Variants in CADM2 observed in about 807,000 individuals in gnomAD.
CADM2 encodes cell adhesion molecule 2.
CADM2 carries 12 observed loss-of-function variants against 49.8 expected under a neutral mutation model. The ratio of observed to expected loss-of-function variants is 0.24; its 90% CI spans 0.15 to 0.39. CADM2 has a LOEUF of 0.39. CADM2 is among the 10% of genes least tolerant of loss of function. The pLI is 1.00. For synonymous variants in CADM2, 214 were observed against 175.4 expected (o/e 1.22, Z -1.74); for missense variants, 378 against 492.3 (o/e 0.77, Z 2.20).
intron 1 of CADM2, among the ~76,000 whole-genome samples, chr3:85,045,338 CAG>C (rs1339978050): frequency 6.6e-6 from 1 of 152,072 alleles, no homozygotes; most frequent in Non-Finnish European, 1.5e-5. Context: ...CAGTAGAAAA[CAG>C]AGTGTTCTAA....
chr3:85,858,642 T>G (rs2075402919), intron 3 of CADM2, among the ~76,000 whole-genome samples: 1 of 152,246 alleles, frequency 6.6e-6, no homozygotes, highest in Non-Finnish European at 1.5e-5. Context: ...AAACTACTCC[T>G]CTATTACCTG....
chr3:85,942,191 G>GACAGC lies in CADM2; in HGVS notation c.791+6335_791+6339dup, dbSNP rs570567240. On this transcript the variant is annotated intron_variant, in intron 7 of 9. Coordinates refer to ENST00000383699, the MANE Select transcript of CADM2 (RefSeq NM_001167675.2). Reference sequence around the variant, plus strand: ...TTGAAGAGTTCTAAAAAATTGCTAGGACAGCCCATATTTCAATCAAATAGT... The same window carrying GACAGC: ...TTGAAGAGTTCTAAAAAATTGCTAGGACAGCACAGCCCATATTTCAATCAAATAGT... 2.2e-3 allele frequency among the ~76,000 whole-genome samples: 337 copies of GACAGC among 151,848 alleles called. 1 individual carries two copies. The highest frequency in any genetic ancestry group is 7.5e-3 in the African/African-American group (310 of 41,452).
intron 3 of CADM2, among the ~76,000 whole-genome samples, chr3:85,817,785 C>A (rs1342822272): frequency 1.3e-5 from 2 of 151,844 alleles, no homozygotes; most frequent in African/African-American, 4.8e-5. Context: ...TGCACTCCAG[C>A]GTCGGCGACA....
chr3:85,415,379 A>G (rs1213315299), intron 1 of CADM2, among the ~76,000 whole-genome samples: 1 of 150,544 alleles, frequency 6.6e-6, no homozygotes, highest in Admixed American at 6.7e-5. Flanking sequence ...TATACACTCA[A>G]AGTGATTCTG....
At chr3:85,359,662 A>ATT (rs71108279) in intron 1 of CADM2, among the ~76,000 whole-genome samples, 6,683 of 25,680 alleles carry the variant, frequency 0.26, 785 homozygotes, top group Non-Finnish European at 0.4. Context: ...ATATATATAT[A>ATT]TATATTTTTT....
chr3:85,958,525 C>A (rs928985581), intron 7 of CADM2, among the ~76,000 whole-genome samples: 2 of 151,592 alleles, frequency 1.3e-5, no homozygotes, highest in Admixed American at 1.3e-4. Flanking sequence ...AAATACCATT[C>A]GACCCAGCAA....
At chr3:85,628,594 T>C (rs2064200948) in intron 1 of CADM2, among the ~76,000 whole-genome samples, 2 of 51,182 alleles carry the variant, frequency 3.9e-5, no homozygotes, top group South Asian at 1.2e-3. Context: ...TATATATACA[T>C]ATATACACAT....
chr3:85,557,770 T>C (rs1008079353), intron 1 of CADM2, among the ~76,000 whole-genome samples: 6 of 152,034 alleles, frequency 3.9e-5, no homozygotes, highest in African/African-American at 1.4e-4. Context: ...TCAAGTTTAA[T>C]ATTTTGAGAA....
At chr3:85,936,075 G>T (rs1279284232) in intron 7 of CADM2, among the ~76,000 whole-genome samples, 1 of 151,318 alleles carries the variant, frequency 6.6e-6, no homozygotes, top group Non-Finnish European at 1.5e-5. Context: ...ATTTCCAGCT[G>T]TTATTTCTTT....
chr3:85,108,782 TAG>T lies in CADM2; in HGVS notation c.61+149116_61+149117del, dbSNP rs534982677. Among the ~76,000 whole-genome samples, 4 of 152,114 alleles carry T rather than the reference TAG, an allele frequency of 2.6e-5. No homozygotes were observed. The East Asian group carries it at 7.7e-4, about 29-fold the overall frequency. ...AAATTGTTACAGGAATTATTTGAAT[TAG>T]AAAAAAACATGTTTTTAAGTTAAGG... On this transcript the variant is annotated intron_variant, in intron 1 of 9. Transcript: ENST00000383699.
chr3:85,959,150 A>ATCTCTCTCTCTCTCTC lies in CADM2; in HGVS notation c.792-2311_792-2296dup, dbSNP rs71128104. On this transcript the variant is annotated intron_variant, in intron 7 of 9. Transcript: ENST00000383699. The stretch of plus-strand genomic sequence containing the variant: ...TATAGCTGTATATCTTTATCTATCT[A>ATCTCTCTCTCTCTCTC]TCTCTCTCTCTCTCTCTCTCTCTGT... Among the ~76,000 whole-genome samples the ATCTCTCTCTCTCTCTC allele has an allele frequency of 1.1e-4, 16 of 145,418 alleles. No individual in the cohort carries two copies. The East Asian group carries it at 3.1e-3, about 28-fold the overall frequency.
chr3:85,951,960 C>T (rs1018848123), intron 7 of CADM2, among the ~76,000 whole-genome samples: 33 of 150,792 alleles, frequency 2.2e-4, no homozygotes, highest in African/African-American at 6.8e-4. Flanking sequence ...GGGAAGTGAA[C>T]GGGAGAGGGC....
chr3:85,074,475 C>T (rs2036868401), intron 1 of CADM2, among the ~76,000 whole-genome samples: 1 of 151,970 alleles, frequency 6.6e-6, no homozygotes, highest in Admixed American at 6.6e-5. Context: ...TTATTTTCTT[C>T]CTTGATTAGA....
intron 6 of CADM2, among the ~76,000 whole-genome samples, chr3:85,924,374 G>C (rs1719546345): frequency 6.6e-6 from 1 of 151,992 alleles, no homozygotes; most frequent in Non-Finnish European, 1.5e-5. Flanking sequence ...TGGATCACTT[G>C]AGCTCAGGAG....
chr3:84,971,426 C>CT (rs375388243), intron 1 of CADM2, among the ~76,000 whole-genome samples: 25 of 152,068 alleles, frequency 1.6e-4, no homozygotes, highest in African/African-American at 5.3e-4. Flanking sequence ...CATTGGCTTG[C>CT]TTTTTTATCA....
Position 85,359,662 on chromosome 3 carries a change from A to ATTT in CADM2, c.62-366859_62-366858insTTT, listed in dbSNP as rs71108279. The stretch of plus-strand genomic sequence containing the variant: ...CATATATATATATATATATATATAT[A>ATTT]TATATTTTTTTTTTTGGTGGAGGGG... On this transcript the variant is annotated intron_variant, in intron 1 of 9. Transcript: ENST00000383699. Among the ~76,000 whole-genome samples the ATTT allele has an allele frequency of 5.4e-3, 139 of 25,916 alleles. 4 individuals are homozygous for ATTT. The highest frequency in any genetic ancestry group is 9.5e-3 in the Non-Finnish European group (115 of 12,042). The allele number at this position is 25,916 out of a possible 152,430, so 17.0% of individuals were successfully genotyped here. A position where few individuals can be genotyped will look rare whatever the true frequency, so the allele number is the denominator to read the frequency against.
intron 1 of CADM2, among the ~76,000 whole-genome samples, chr3:85,037,310 A>T (rs1441284591): frequency 6.6e-6 from 1 of 152,186 alleles, no homozygotes; most frequent in South Asian, 2.1e-4. Context: ...AGTGCTTCTC[A>T]TATTTTCTCC....
At chr3:86,030,694 G>C (rs543766434) in intron 8 of CADM2, among the ~76,000 whole-genome samples, 9 of 151,908 alleles carry the variant, frequency 5.9e-5, no homozygotes, top group African/African-American at 1.9e-4. Flanking sequence ...TAAGGTCAAC[G>C]CTATAAGGGT....
chr3:85,040,458 C>G (rs1332105560), intron 1 of CADM2, among the ~76,000 whole-genome samples: 2 of 152,010 alleles, frequency 1.3e-5, no homozygotes, highest in African/African-American at 4.8e-5. Context: ...AGATTAGCGT[C>G]TGAAACTGAG....
Sources: gnomAD v4.1 joint callset for allele counts (sites outside exome capture counted in the v4.1 genomes callset) on GRCh38, gnomAD v4.1.1 for gene constraint, MANE v1.5 for transcripts, NCBI Gene and HGNC (gene_info 2026-07-23, HGNC 2026-07-21) for gene names.